PDZRN3: variants seen among roughly 807,000 people sequenced by gnomAD.
PDZRN3 encodes the protein PDZ domain containing ring finger 3.
PDZRN3 carries 38 observed loss-of-function variants against 85.7 expected under a neutral mutation model. That is an observed-to-expected ratio of 0.44 (90% CI 0.34 to 0.58). The LOEUF is 0.58. PDZRN3 is among the 20% of genes least tolerant of loss of function. PDZRN3 has a pLI of 0.01. For missense variants in PDZRN3, 1,629 were observed against 1,506.4 expected (o/e 1.08, Z -1.35); for synonymous variants, 759 against 638.0 (o/e 1.19, Z -2.86).
intron 3 of PDZRN3, among the ~76,000 whole-genome samples, chr3:73,599,317 C>T (rs1702476949): frequency 6.6e-6 from 1 of 152,124 alleles, no homozygotes. Flanking sequence ...ACCTTGAGGA[C>T]ATTATGCTAA....
chr3:73,414,044 C>A (rs1343118547), intron 3 of PDZRN3, among the ~76,000 whole-genome samples: 1 of 151,926 alleles, frequency 6.6e-6, no homozygotes, highest in Non-Finnish European at 1.5e-5. Context: ...TACAAATGTC[C>A]TATAGGCAAC....
chr3:73,498,444 G>A (rs1423621929), intron 3 of PDZRN3, among the ~76,000 whole-genome samples: 2 of 151,954 alleles, frequency 1.3e-5, no homozygotes, highest in East Asian at 1.9e-4. Context: ...ACACCACCTA[G>A]GCATTTGAAA....
At position 73,412,187 on chromosome 3, in the gene PDZRN3, G is replaced by A. The variant is rs190577913; in HGVS notation, c.919-7792C>T. On this transcript the variant is annotated intron_variant, in intron 3 of 9. Coordinates refer to ENST00000263666, the MANE Select transcript of PDZRN3 (RefSeq NM_015009.3). ...AGGCAAATACAGCCACAAATTGAAG[G>A]AGGAAGGTGTGGTTAGGTTTTTGCA... 3.3e-5 allele frequency among the ~76,000 whole-genome samples: 5 copies of A among 152,310 alleles called. No homozygotes were observed. The East Asian group carries it at 9.7e-4, about 29-fold the overall frequency.
intron 3 of PDZRN3, among the ~76,000 whole-genome samples, chr3:73,541,096 T>G (rs1279390098): frequency 1.3e-5 from 2 of 152,166 alleles, no homozygotes; most frequent in Non-Finnish European, 2.9e-5. Flanking sequence ...TAATAAAAAA[T>G]TTTGAATTGA....
intron 1 of PDZRN3, among the ~76,000 whole-genome samples, chr3:73,620,160 A>G (rs984832763): frequency 6.6e-6 from 1 of 152,226 alleles, no homozygotes; most frequent in African/African-American, 2.4e-5. Flanking sequence ...GCTGATTCAG[A>G]AACTCTGGTT....
At chr3:73,518,305 T>C (rs1225386689) in intron 3 of PDZRN3, among the ~76,000 whole-genome samples, 1 of 152,188 alleles carries the variant, frequency 6.6e-6, no homozygotes, top group Non-Finnish European at 1.5e-5. Context: ...AGTAGTCAAA[T>C]TCAAGAGGCA....
chr3:73,594,708 C>CCCAA (rs1702408610), intron 3 of PDZRN3, among the ~76,000 whole-genome samples: 1 of 151,502 alleles, frequency 6.6e-6, no homozygotes, highest in South Asian at 2.1e-4. Flanking sequence ...AGAAGTCTTA[C>CCCAA]CTGTGTTAGA....
intron 3 of PDZRN3, among the ~76,000 whole-genome samples, chr3:73,490,105 G>T (rs929863108): frequency 1.3e-5 from 2 of 152,182 alleles, no homozygotes; most frequent in African/African-American, 4.8e-5. Flanking sequence ...GAAACTTAAA[G>T]ACATTATTTT....
At chr3:73,542,209 A>C (rs952507618) in intron 3 of PDZRN3, among the ~76,000 whole-genome samples, 2 of 152,224 alleles carry the variant, frequency 1.3e-5, no homozygotes, top group African/African-American at 4.8e-5. Flanking sequence ...AGAGAAAGGC[A>C]AAGCAAAAAT....
At chr3:73,495,361 A>C (rs1234573239) in intron 3 of PDZRN3, among the ~76,000 whole-genome samples, 1 of 152,152 alleles carries the variant, frequency 6.6e-6, no homozygotes, top group Non-Finnish European at 1.5e-5. Context: ...CTCCTCTTCC[A>C]AGGAGAAACC....
In PDZRN3 at chr3:73,601,098, T is replaced by C. The variant is rs186543545; in HGVS notation, c.918+1256A>G. On this transcript the variant is annotated intron_variant, in intron 3 of 9. Transcript: ENST00000263666. Reference sequence around the variant, plus strand: ...TACACCCTAACTAGTTCAGTTTGCTTTCCCTGTGAGATTTAACTGTGTATT... The same window carrying C: ...TACACCCTAACTAGTTCAGTTTGCTCTCCCTGTGAGATTTAACTGTGTATT... Among the ~76,000 whole-genome samples, 313 of 152,288 alleles carry C rather than the reference T, an allele frequency of 2.1e-3. 1 individual carries two copies. The highest frequency in any genetic ancestry group is 7.2e-3 in the African/African-American group (301 of 41,562).
chr3:73,559,251 T>G (rs1452748436), intron 3 of PDZRN3, among the ~76,000 whole-genome samples: 1 of 152,234 alleles, frequency 6.6e-6, no homozygotes, highest in Admixed American at 6.5e-5. Flanking sequence ...CTGAAAACTG[T>G]GGGTTTTGTT....
chr3:73,581,069 T>C (rs1702195120), intron 3 of PDZRN3, among the ~76,000 whole-genome samples: 1 of 152,216 alleles, frequency 6.6e-6, no homozygotes. Flanking sequence ...TTTACTCAAA[T>C]GTAAATTTCT....
At chr3:73,566,663 C>T (rs542038916) in intron 3 of PDZRN3, among the ~76,000 whole-genome samples, 2 of 152,086 alleles carry the variant, frequency 1.3e-5, no homozygotes, top group Non-Finnish European at 2.9e-5. Flanking sequence ...CCAATTGGTC[C>T]AAGCCATTCA....
intron 3 of PDZRN3, among the ~76,000 whole-genome samples, chr3:73,528,616 AT>A (rs1196576127): frequency 6.6e-6 from 1 of 152,158 alleles, no homozygotes; most frequent in Non-Finnish European, 1.5e-5. Context: ...TCTTCACTCT[AT>A]TTCCAGCTGG....
chr3:73,569,087 G>T, intron 3 of PDZRN3: 1 of 1,005,086 alleles, frequency 9.9e-7, no homozygotes, highest in Non-Finnish European at 1.4e-6. Context: ...ATGTGCTGCA[G>T]CTGAACTTTG....
At chr3:73,434,091 A>G (rs192601880) in intron 3 of PDZRN3, 49 of 337,142 alleles carry the variant, frequency 1.5e-4, no homozygotes, top group Middle Eastern at 1.5e-3. Context: ...TACAGAAGCT[A>G]TAATTGCCAA....
At chr3:73,425,350 A>G (rs574645851) in intron 3 of PDZRN3, among the ~76,000 whole-genome samples, 1 of 152,250 alleles carries the variant, frequency 6.6e-6, no homozygotes, top group East Asian at 1.9e-4. Flanking sequence ...AATAATGATT[A>G]TCCTAGAGGA....
At chr3:73,493,066 G>A (rs1373918829) in intron 3 of PDZRN3, among the ~76,000 whole-genome samples, 2 of 134,874 alleles carry the variant, frequency 1.5e-5, no homozygotes, top group African/African-American at 5.4e-5. Flanking sequence ...GAAATCTGAA[G>A]GAGGTGGGAG....
Sources: allele counts gnomAD v4.1 joint callset (sites outside exome capture counted in the v4.1 genomes callset), GRCh38; gene constraint gnomAD v4.1.1; transcripts MANE v1.5; gene names NCBI Gene and HGNC (gene_info 2026-07-23, HGNC 2026-07-21).